Variants in EPHB1 observed in about 807,000 individuals in gnomAD.
EPHB1 encodes EPH receptor B1.
EPHB1 carries 30 observed loss-of-function variants against 94.4 expected under a neutral mutation model. That is an observed-to-expected ratio of 0.32 (90% CI 0.24 to 0.43). The LOEUF is 0.43. Among genes scored for constraint, EPHB1 ranks in the 20% least tolerant of loss-of-function variants. The pLI, the probability that EPHB1 is intolerant of heterozygous loss-of-function variation, is 1.00. For synonymous variants in EPHB1, 522 were observed against 489.1 expected (o/e 1.07, Z -0.89); for missense variants, 1,055 against 1,308.3 (o/e 0.81, Z 2.99).
intron 3 of EPHB1, among the ~76,000 whole-genome samples, chr3:135,014,148 C>T (rs1263629232): frequency 6.6e-6 from 1 of 152,170 alleles, no homozygotes; most frequent in Non-Finnish European, 1.5e-5. Context: ...GGCACCTGAT[C>T]TCAAACCAGC....
intron 5 of EPHB1, among the ~76,000 whole-genome samples, chr3:135,135,211 C>G (rs970592122): frequency 2.0e-5 from 3 of 152,070 alleles, no homozygotes; most frequent in Non-Finnish European, 4.4e-5. Context: ...AGTTTACACT[C>G]GCTGAGAGAA....
At chr3:134,877,457 C>T (rs555200702) in intron 1 of EPHB1, among the ~76,000 whole-genome samples, 23 of 152,272 alleles carry the variant, frequency 1.5e-4, no homozygotes, top group Admixed American at 1.2e-3. Context: ...TCCTTCTTTT[C>T]CTATGACCCT....
chr3:135,238,534 C>T (rs1440629699), intron 12 of EPHB1, among the ~76,000 whole-genome samples: 1 of 152,208 alleles, frequency 6.6e-6, no homozygotes, highest in Non-Finnish European at 1.5e-5. Context: ...AGGACACTCT[C>T]AGACTCCCAA....
chr3:134,928,134 C>T (rs1219059842), intron 2 of EPHB1, among the ~76,000 whole-genome samples: 2 of 152,212 alleles, frequency 1.3e-5, no homozygotes, highest in Admixed American at 1.3e-4. Flanking sequence ...CAGATCTCAC[C>T]CCTTTTCCTT....
intron 3 of EPHB1, among the ~76,000 whole-genome samples, chr3:135,079,448 A>G (rs1938079892): frequency 6.6e-6 from 1 of 152,138 alleles, no homozygotes; most frequent in Non-Finnish European, 1.5e-5. Context: ...CCTCCATCCA[A>G]CTGGTTCTTG....
chr3:134,966,699 G>A (rs772511639), intron 3 of EPHB1, among the ~76,000 whole-genome samples: 7 of 152,218 alleles, frequency 4.6e-5, no homozygotes, highest in East Asian at 3.8e-4. Context: ...AATATGTCCC[G>A]ACAAGTCAAG....
chr3:135,242,184 A>G (rs1943801244), intron 13 of EPHB1, among the ~76,000 whole-genome samples: 1 of 152,152 alleles, frequency 6.6e-6, no homozygotes, highest in Non-Finnish European at 1.5e-5. Flanking sequence ...TTTTGCATAC[A>G]TACCCTCCCG....
chr3:135,250,423 G>GCTAC (rs1160783311), intron 15 of EPHB1, among the ~76,000 whole-genome samples: 1 of 152,212 alleles, frequency 6.6e-6, no homozygotes, highest in Admixed American at 6.5e-5. Flanking sequence ...TCAATATTCT[G>GCTAC]CTACCTGTCC....
intron 1 of EPHB1, among the ~76,000 whole-genome samples, chr3:134,825,500 C>T (rs1185672564): frequency 2.6e-5 from 4 of 152,194 alleles, no homozygotes; most frequent in Admixed American, 6.5e-5. Flanking sequence ...ACAGGGGATG[C>T]TGCTTCTGTT....
intron 10 of EPHB1, among the ~76,000 whole-genome samples, chr3:135,184,168 G>C (rs1559865954): frequency 6.6e-6 from 1 of 152,156 alleles, no homozygotes; most frequent in Non-Finnish European, 1.5e-5. Context: ...AGGTGATGGG[G>C]AGTCATAGCA....
chr3:134,797,248 T>G (rs558698880), intron 1 of EPHB1, among the ~76,000 whole-genome samples: 50 of 152,288 alleles, frequency 3.3e-4, no homozygotes, highest in African/African-American at 1.1e-3. Context: ...AGGAGAAGAC[T>G]GGAGCCGTGT....
At chr3:134,869,003 A>G (rs955410346) in intron 1 of EPHB1, among the ~76,000 whole-genome samples, 1 of 152,244 alleles carries the variant, frequency 6.6e-6, no homozygotes, top group African/African-American at 2.4e-5. Context: ...TCTGCCTCTT[A>G]CAAGTTTTGT....
intron 1 of EPHB1, among the ~76,000 whole-genome samples, chr3:134,825,767 C>T (rs899291523): frequency 1.3e-5 from 2 of 152,168 alleles, no homozygotes; most frequent in Non-Finnish European, 1.5e-5. Context: ...TCTCCTTCAT[C>T]CACCATGGTT....
At chr3:135,129,303 C>A (rs952565795) in intron 4 of EPHB1, among the ~76,000 whole-genome samples, 8 of 152,122 alleles carry the variant, frequency 5.3e-5, no homozygotes, top group African/African-American at 1.7e-4. Context: ...GTCTTCCCAG[C>A]TGTCAGGGAG....
chr3:134,985,458 G>C (rs1934564656), intron 3 of EPHB1, among the ~76,000 whole-genome samples: 1 of 152,078 alleles, frequency 6.6e-6, no homozygotes, highest in African/African-American at 2.4e-5. Flanking sequence ...ATGCCCGGCC[G>C]GTGGGCTTTA....
chr3:135,198,213 G>A (rs528282191), intron 11 of EPHB1, among the ~76,000 whole-genome samples: 1 of 152,238 alleles, frequency 6.6e-6, no homozygotes, highest in Non-Finnish European at 1.5e-5. Context: ...ATCGGAGATG[G>A]GTTGTCAGTG....
At chr3:134,943,945 A>G (rs924706967) in intron 2 of EPHB1, among the ~76,000 whole-genome samples, 8 of 152,230 alleles carry the variant, frequency 5.3e-5, no homozygotes, top group African/African-American at 1.7e-4. Flanking sequence ...TTTTAAAGCT[A>G]TATTAAGGTA....
chr3:134,810,448 G>A (rs1430323501), intron 1 of EPHB1, among the ~76,000 whole-genome samples: 2 of 152,144 alleles, frequency 1.3e-5, no homozygotes, highest in Admixed American at 6.5e-5. Context: ...GAACAGCCTG[G>A]CAAATGGAAG....
chr3:134,922,886 C>T (rs1304337026), intron 1 of EPHB1, among the ~76,000 whole-genome samples: 4 of 152,220 alleles, frequency 2.6e-5, no homozygotes, highest in East Asian at 1.9e-4. Context: ...TCCTGTACCC[C>T]GATTCCCAAC....
Sources: allele counts gnomAD v4.1 joint callset (sites outside exome capture counted in the v4.1 genomes callset), GRCh38; gene constraint gnomAD v4.1.1; transcripts MANE v1.5; gene names NCBI Gene and HGNC (gene_info 2026-07-23, HGNC 2026-07-21).